GMEB2: variants seen among roughly 807,000 people sequenced by gnomAD.
GMEB2 encodes the protein glucocorticoid modulatory element-binding protein 2.
A neutral mutation model predicts 45.7 loss-of-function variants in GMEB2; 7 were observed. The observed-to-expected ratio is 0.15, with a 90% CI of 0.09 to 0.29. The LOEUF (loss-of-function observed/expected upper bound fraction) is 0.29. Among genes scored for constraint, GMEB2 ranks in the 10% least tolerant of loss-of-function variants. The pLI is 1.00. For synonymous variants in GMEB2, 322 were observed against 323.6 expected, an observed-to-expected ratio of 1.00 and a Z score of 0.05; for missense variants, 582 against 739.2, an observed-to-expected ratio of 0.79 and a Z score of 2.47.
chr20:63,603,665 C>T (rs1348930829), intron 3 of GMEB2, among the ~76,000 whole-genome samples: 1 of 151,700 alleles, frequency 6.6e-6, no homozygotes, highest in Non-Finnish European at 1.5e-5. Flanking sequence ...TGGCATGAAC[C>T]CGGGAGGTGG....
At chr20:63,607,116 G>C (rs1460472609) in intron 2 of GMEB2, among the ~76,000 whole-genome samples, 1 of 145,430 alleles carries the variant, frequency 6.9e-6, no homozygotes, top group African/African-American at 2.6e-5. Flanking sequence ...TCCATTTCTA[G>C]AAACATGCAC....
intron 4 of GMEB2, among the ~76,000 whole-genome samples, chr20:63,600,292 G>A (rs967408432): frequency 2.6e-5 from 4 of 151,444 alleles, no homozygotes; most frequent in Non-Finnish European, 5.9e-5. Flanking sequence ...TGATTCACCC[G>A]CCTCGGCCTC....
At chr20:63,610,986 C>T (rs997475033) in intron 2 of GMEB2, among the ~76,000 whole-genome samples, 3 of 152,206 alleles carry the variant, frequency 2.0e-5, no homozygotes, top group Non-Finnish European at 4.4e-5. Context: ...CACCAATGCC[C>T]GGATATGCAA....
chr20:63,621,311 G>C (rs1242213504), intron 1 of GMEB2, among the ~76,000 whole-genome samples: 1 of 152,198 alleles, frequency 6.6e-6, no homozygotes, highest in East Asian at 1.9e-4. Context: ...AAAAGCTCTG[G>C]AAATGGACGG....
In GMEB2 at chr20:63,592,213, G is replaced by A. The variant is rs747682055; in HGVS notation, c.830-69C>T. On this transcript the variant is annotated intron_variant, in intron 8 of 9. Coordinates refer to ENST00000370077, the MANE Select transcript of GMEB2 (RefSeq NM_012384.5). This position sits in a 1 kb window ranked among gnomAD's most constrained non-coding sequence, Gnocchi z 8.2. ...CTAGAGAGCCACGCGGACGCTCGGT[G>A]AGAGCCCGGGACCTTCCTAGAGAGT... The A allele has an allele frequency of 1.8e-5, 26 of 1,475,910 alleles. No homozygotes were observed. The highest frequency in any genetic ancestry group is 2.3e-5 in the Non-Finnish European group (25 of 1,079,702). The allele number at this position is 1,475,910 out of a possible 1,614,324, so 91.4% of individuals were successfully genotyped here.
rs1414040632 is a variant in GMEB2 at position 63,592,704 on chromosome 20, A to T, written c.692-34T>A. 3 of 1,597,718 alleles carry T rather than the reference A, an allele frequency of 1.9e-6. No individual in the cohort carries two copies. In the South Asian group the frequency reaches 3.3e-5, roughly 18 times the overall value. Reference sequence around the variant, plus strand: ...GAAGGAGTGGGTTCAGTGGGCAGGGAAAGTGCTGCTACACGGGGCAGCCAC... The same window carrying T: ...GAAGGAGTGGGTTCAGTGGGCAGGGTAAGTGCTGCTACACGGGGCAGCCAC... On this transcript the variant is annotated intron_variant, in intron 7 of 9. Transcript: ENST00000370077. The surrounding 1 kb of genome is among the most constrained non-coding windows in gnomAD (Gnocchi z 8.2).
intron 2 of GMEB2, among the ~76,000 whole-genome samples, chr20:63,612,791 T>G (rs1476371314): frequency 6.6e-6 from 1 of 152,264 alleles, no homozygotes; most frequent in South Asian, 2.1e-4. Context: ...CAGAGACCCC[T>G]GTGGCCAAGG....
At chr20:63,626,761 C>T (rs533418028) in intron 1 of GMEB2, among the ~76,000 whole-genome samples, 195 bp downstream of exon 1, 1 of 146,874 alleles carries the variant, frequency 6.8e-6, no homozygotes, top group African/African-American at 2.4e-5. Flanking sequence ...CCGCGCCCGC[C>T]ACCGCCCGCG....
intron 2 of GMEB2, among the ~76,000 whole-genome samples, chr20:63,608,830 ACC>A (rs1298546685): frequency 1.9e-5 from 1 of 53,908 alleles, no homozygotes; most frequent in African/African-American, 7.8e-5. Context: ...TGCCCCTCTG[ACC>A]CACACCTCCA....
chr20:63,605,003 C>A, intron 2 of GMEB2, 163 bp from the exon 3 acceptor site: 6 of 566,904 alleles, frequency 1.1e-5, no homozygotes, highest in Non-Finnish European at 1.9e-5. Context: ...GTAATCCCAG[C>A]ACTTTGGGAG....
intron 1 of GMEB2, among the ~76,000 whole-genome samples, chr20:63,624,065 G>A (rs1260764205): frequency 6.7e-6 from 1 of 150,124 alleles, no homozygotes; most frequent in Non-Finnish European, 1.5e-5. Flanking sequence ...TGCCAAGACT[G>A]CACCACTACA....
chr20:63,624,275 AC>A (rs1430390861), intron 1 of GMEB2, among the ~76,000 whole-genome samples: 4 of 150,968 alleles, frequency 2.6e-5, no homozygotes, highest in East Asian at 1.9e-4. Flanking sequence ...AAAAAAAAAA[AC>A]AAATTGGCCG....
At position 63,597,783 on chromosome 20, in the gene GMEB2, G is replaced by A; in HGVS notation, c.435C>T (p.Ala145=). The A allele has an allele frequency of 6.2e-7, 1 of 1,606,952 alleles. No individual in the cohort carries two copies. Among genetic ancestry groups the A allele is most frequent in the Non-Finnish European group, 8.5e-7 (1 of 1,173,538 alleles). The stretch of plus-strand genomic sequence containing the variant: ...TGAGCATGATGCCGTTCATGCGGAT[G>A]GCTCTCTTCCAGTCCTTCAGGGTGG... ...GKSTLKDWKR[A]IRMNGIMLRK... is the part of the protein sequence containing the mutation. The change falls in exon 5 of 10, where the codon GCC becomes GCT. Residue 145 remains alanine, a synonymous_variant. Transcript: ENST00000370077.
intron 1 of GMEB2, 119 bp downstream of exon 1, chr20:63,626,837 T>C (rs1018301485): frequency 1.4e-5 from 2 of 138,350 alleles, no homozygotes; most frequent in African/African-American, 2.6e-5. Context: ...CCCCCGGCCC[T>C]CCCCTCCCCC....
rs2083156978 is a variant in GMEB2 at position 63,592,575 on chromosome 20, C to G, written c.787G>C (p.Gly263Arg). The G allele has an allele frequency of 6.2e-7, 1 of 1,612,392 alleles. No homozygotes were observed. Among genetic ancestry groups the G allele is most frequent in the Non-Finnish European group, 8.5e-7 (1 of 1,178,590 alleles). Residue 263 changes from glycine (G) to arginine (R), a missense_variant, in exon 8 of 10, where the codon GGC (glycine) becomes CGC (arginine). By Grantham distance (125) the Gly-to-Arg change is moderately radical. This residue lies in a region of GMEB2 where 462 missense variants were observed against 586.7 expected (regional missense o/e 0.79). Coordinates refer to ENST00000370077, the MANE Select transcript of GMEB2 (RefSeq NM_012384.5). The surrounding 1 kb of genome is among the most constrained non-coding windows in gnomAD (Gnocchi z 8.2). ...GGGTCCTGGACCCGCTGCTGCAGGC[C>G]TCTCATGGTCTCCACCAGCTCCTGG... ...FHQELVETMR[G>R]LQQRVQDPPL...
chr20:63,592,864 C>A lies in GMEB2; in HGVS notation c.691+147G>T. 1 of 717,988 alleles carries A rather than the reference C, an allele frequency of 1.4e-6. No individual in the cohort carries two copies. The highest frequency in any genetic ancestry group is 2.5e-6 in the Non-Finnish European group (1 of 406,272). The allele number at this position is 717,988 out of a possible 1,614,324, so 44.5% of individuals were successfully genotyped here. On this transcript the variant is annotated intron_variant, in intron 7 of 9. Coordinates refer to ENST00000370077, the MANE Select transcript of GMEB2 (RefSeq NM_012384.5). The surrounding 1 kb of genome is among the most constrained non-coding windows in gnomAD (Gnocchi z 8.2). ...TAGCAGGTCAGCCTCAGAGCGCCCA[C>A]GACAATGCTGCTGGAACCAGGCCTT... is the stretch of plus-strand genomic sequence containing the variant.
rs1256299253 is a variant in GMEB2, at chr20:63,589,293, G to C, written c.*796C>G. The C allele has an allele frequency of 5.0e-6, 2 of 398,330 alleles. No individual in the cohort carries two copies. The highest frequency in any genetic ancestry group is 2.1e-5 in the African/African-American group (1 of 48,632). The allele number at this position is 398,330 out of a possible 1,614,324, so 24.7% of individuals were successfully genotyped here. On this transcript the variant is annotated 3_prime_UTR_variant, in exon 10 of 10. Coordinates refer to ENST00000370077, the MANE Select transcript of GMEB2 (RefSeq NM_012384.5). ...CACAGGGGCTCAGGGGCCACCCAAA[G>C]AGCTAACTCGGGAAGCCTAGGCACT...
chr20:63,610,919 G>C (rs2089565070), intron 2 of GMEB2, among the ~76,000 whole-genome samples: 1 of 152,210 alleles, frequency 6.6e-6, no homozygotes, highest in South Asian at 2.1e-4. Context: ...CTCCTGCTAA[G>C]CACACCCAGG....
At position 63,590,525 on chromosome 20, in the gene GMEB2, G is replaced by A. The variant is rs2083136892; in HGVS notation, c.1157C>T (p.Pro386Leu). The change falls in exon 10 of 10, where the codon CCG (proline) becomes CTG (leucine). Residue 386 changes from proline to leucine, a missense_variant. Physicochemically the swap from Pro to Leu is moderately conservative, Grantham distance 98. This residue lies in a region of GMEB2 where 462 missense variants were observed against 586.7 expected (regional missense o/e 0.79). Transcript: ENST00000370077. ...LTQSAQLALGPGVPVPQLTSV... is the reference protein window; with the variant it reads ...LTQSAQLALGLGVPVPQLTSV... ...GGTCAGCTGGGGGACGGGCACGCCC[G>A]GGCCAAGCGCCAGCTGGGCAGACTG... 18 of 1,518,006 alleles carry A rather than the reference G, an allele frequency of 1.2e-5. No homozygotes were observed. The highest frequency in any genetic ancestry group is 2.2e-5 in the Admixed American group (1 of 45,788). The allele number at this position is 1,518,006 out of a possible 1,614,324, so 94.0% of individuals were successfully genotyped here. A position where few individuals can be genotyped will look rare whatever the true frequency, so the allele number is the denominator to read the frequency against.
Sources: gnomAD v4.1 joint callset for allele counts (sites outside exome capture counted in the v4.1 genomes callset) on GRCh38, gnomAD v4.1.1 for gene constraint, gnomAD v4.1.1 regional missense constraint, Gnocchi (gnomAD v3.1) non-coding constraint, MANE v1.5 for transcripts, NCBI Gene and HGNC (gene_info 2026-07-23, HGNC 2026-07-21) for gene names.